Variants in PLP2 observed in about 807,000 individuals in gnomAD.
PLP2 encodes the protein proteolipid protein 2.
A neutral mutation model predicts 11.4 loss-of-function variants in PLP2; 8 were observed. The observed-to-expected ratio is 0.70, with a 90% CI of 0.41 to 1.27. The LOEUF is 1.27. PLP2 is among the 50% of genes most tolerant of loss of function. The probability of loss-of-function intolerance (pLI) is 0.01; values close to 1 mark genes in which losing one functional copy is unlikely to be tolerated. For synonymous variants in PLP2, 50 were observed against 53.2 expected, an observed-to-expected ratio of 0.94 and a Z score of 0.26; for missense variants, 127 against 123.5, an observed-to-expected ratio of 1.03 and a Z score of -0.14.
rs781890090 is a variant in PLP2, at chrX:49,172,961, C to T, written c.97-168C>T. ...AATAGTACCCAGAGCATTAGATTGTCGTGATGATTGAATTTGGAACACAGT... is the reference window on the plus strand; with the variant it reads ...AATAGTACCCAGAGCATTAGATTGTTGTGATGATTGAATTTGGAACACAGT... On this transcript the variant is annotated intron_variant, in intron 1 of 4. Coordinates refer to ENST00000376327, the MANE Select transcript of PLP2 (RefSeq NM_002668.3). Among the ~76,000 whole-genome samples, 6 of 112,415 alleles carry T rather than the reference C, an allele frequency of 5.3e-5. No homozygotes were observed. The South Asian group carries it at 2.2e-3, about 41-fold the overall frequency.
At chrX:49,174,457 G>A (rs782818987) in intron 4 of PLP2, 32 bp downstream of exon 4, 10 of 1,119,643 alleles carry the variant, frequency 8.9e-6, no homozygotes, top group African/African-American at 1.8e-5. Flanking sequence ...TTGGGGGTAA[G>A]GGGGTTGCTG....
At position 49,175,042 on chromosome X, in the gene PLP2, G is replaced by C; in HGVS notation, c.*348G>C. The C allele has an allele frequency of 2.7e-6, 1 of 371,719 alleles. No homozygotes were observed. Among genetic ancestry groups the C allele is most frequent in the East Asian group, 4.5e-5 (1 of 22,218 alleles). The allele number at this position is 371,719 out of a possible 1,213,427, so 30.6% of individuals were successfully genotyped here. A position where few individuals can be genotyped will look rare whatever the true frequency, so the allele number is the denominator to read the frequency against. On this transcript the variant is annotated 3_prime_UTR_variant, in exon 5 of 5. Transcript: ENST00000376327. ...TCCAAATAATCTCCTCGGTGTGGGT[G>C]GTGGTTCTATAGAGGGATAAATGAA...
intron 2 of PLP2, 44 bp from the exon 3 acceptor site, chrX:49,173,344 A>C (rs376249600): frequency 1.0e-4 from 120 of 1,203,099 alleles, no homozygotes; most frequent in Non-Finnish European, 1.2e-4. Flanking sequence ...TTGTCGGGGA[A>C]CTGTGGTTGC....
chrX:49,174,676 C>T lies in PLP2; in HGVS notation c.441C>T (p.Pro147=), dbSNP rs141287647. Residue 147 remains proline, a synonymous_variant, in exon 5 of 5, where the codon CCC becomes CCT. Transcript: ENST00000376327. The part of the protein sequence containing the change: ...QPRHTAAPTD[P]ADGPV ...CTCTCTTTTCCTCACCTGCAGACCCCGCAGATGGCCCGGTGTAGGCGAACT... is the reference window on the plus strand; with the variant it reads ...CTCTCTTTTCCTCACCTGCAGACCCTGCAGATGGCCCGGTGTAGGCGAACT... The T allele has an allele frequency of 3.1e-5, 37 of 1,204,970 alleles. No homozygotes were observed. In the African/African-American group the frequency reaches 3.9e-4, roughly 13 times the overall value.
At chrX:49,172,681 G>A (rs1228754950) in intron 1 of PLP2, among the ~76,000 whole-genome samples, 1 of 112,608 alleles carries the variant, frequency 8.9e-6, no homozygotes, top group African/African-American at 3.2e-5. Context: ...TGCCTCTCTG[G>A]TGTCACTCTC....
chrX:49,174,523 G>C, intron 4 of PLP2, 98 bp downstream of exon 4: 3 of 876,356 alleles, frequency 3.4e-6, no homozygotes, highest in African/African-American at 2.0e-5. Flanking sequence ...GCCAACTCTG[G>C]TCTCGTATTG....
intron 2 of PLP2, 23 bp downstream of exon 2, chrX:49,173,304 A>G: frequency 1.7e-6 from 2 of 1,209,175 alleles, no homozygotes; most frequent in Non-Finnish European, 2.2e-6. Flanking sequence ...CCACAATGGC[A>G]AGACCAGGGA....
Position 49,173,270 on chromosome X carries a change from T to C in PLP2, c.238T>C (p.Trp80Arg), listed in dbSNP as rs782640786. The change falls in exon 2 of 5, where the codon TGG becomes CGG. Residue 80 changes from tryptophan to arginine, a missense_variant. Transcript: ENST00000376327. ...GCACACCAAGATACCATTCATCAACTGGCCCTGGAGTGTGAGAAGGGGTCC... is the reference window on the plus strand; with the variant it reads ...GCACACCAAGATACCATTCATCAACCGGCCCTGGAGTGTGAGAAGGGGTCC... ...DLHTKIPFINWPWSDFFRTLI... is the reference protein window; with the variant it reads ...DLHTKIPFINRPWSDFFRTLI... 1.3e-5 allele frequency: 16 copies of C among 1,209,443 alleles called. No homozygotes were observed. The Admixed American group carries it at 2.8e-4, about 21-fold the overall frequency.
chrX:49,172,084 G>C lies in PLP2; in HGVS notation c.84G>C (p.Leu28=). ...NFSRTRKGIL[L]FAEIILCLVI... ...CGCGCACTCGAAAGGGAATCCTCCTGTTTGCTGAGATTGTGAGCGTTCTGG... is the reference window on the plus strand; with the variant it reads ...CGCGCACTCGAAAGGGAATCCTCCTCTTTGCTGAGATTGTGAGCGTTCTGG... Residue 28 remains leucine, a synonymous_variant, in exon 1 of 5, where the codon CTG becomes CTC. Transcript: ENST00000376327. 8.3e-7 allele frequency: 1 copy of C among 1,199,408 alleles called. No individual in the cohort carries two copies. Among genetic ancestry groups the C allele is most frequent in the Non-Finnish European group, 1.1e-6 (1 of 884,631 alleles).
chrX:49,172,062 G>A lies in PLP2; in HGVS notation c.62G>A (p.Arg21His), dbSNP rs202244373. 1.7e-5 allele frequency: 21 copies of A among 1,205,303 alleles called. No homozygotes were observed. In the East Asian group the frequency reaches 5.0e-4, roughly 29 times the overall value. Residue 21 changes from arginine (R) to histidine (H), a missense_variant, in exon 1 of 5, where the codon CGC (arginine) becomes CAC (histidine). Physicochemically the swap from Arg to His is conservative, Grantham distance 29. Coordinates refer to ENST00000376327, the MANE Select transcript of PLP2 (RefSeq NM_002668.3). ...TGGGCCGCCTGCACCAACTTCTCGC[G>A]CACTCGAAAGGGAATCCTCCTGTTT... The part of the protein sequence containing the change: ...GCWAACTNFS[R>H]TRKGILLFAE...
chrX:49,173,571 G>T, intron 3 of PLP2, 88 bp downstream of exon 3: 1 of 1,196,578 alleles, frequency 8.4e-7, no homozygotes, highest in African/African-American at 1.7e-5. Context: ...GGCAGAAATC[G>T]TGTGACCCAC....
chrX:49,173,298 A>G lies in PLP2; in HGVS notation c.249+17A>G, dbSNP rs2065398686. The G allele has an allele frequency of 8.3e-7, 1 of 1,207,991 alleles. No individual in the cohort carries two copies. Among genetic ancestry groups the G allele is most frequent in the African/African-American group, 1.8e-5 (1 of 56,988 alleles). ...CCCTGGAGTGTGAGAAGGGGTCCAC[A>G]ATGGCAAGACCAGGGAGGGGTCTGG... On this transcript the variant is annotated intron_variant, in intron 2 of 4. Transcript: ENST00000376327.
Position 49,173,388 on chromosome X carries a change from G to A in PLP2, c.250G>A (p.Asp84Asn), listed in dbSNP as rs1167192417. 1.7e-6 allele frequency: 2 copies of A among 1,210,884 alleles called. No individual in the cohort carries two copies. Among genetic ancestry groups the A allele is most frequent in the Non-Finnish European group, 1.1e-6 (1 of 894,988 alleles). ...KIPFINWPWS[D>N]FFRTLIAAIL... ...CTCTTCTCCTCCCTACACCTCACAG[G>A]ATTTCTTCCGAACCCTCATAGCGGC... is the stretch of plus-strand genomic sequence containing the variant. The change falls in exon 3 of 5, where the codon GAT becomes AAT. Residue 84 changes from aspartate (D) to asparagine (N), a missense_variant and splice_region_variant. Coordinates refer to ENST00000376327, the MANE Select transcript of PLP2 (RefSeq NM_002668.3).
chrX:49,174,995 C>T lies in PLP2; in HGVS notation c.*301C>T, dbSNP rs2065407299. 2.4e-6 allele frequency: 1 copy of T among 421,461 alleles called. No individual in the cohort carries two copies. The highest frequency in any genetic ancestry group is 6.5e-4 in the Middle Eastern group (1 of 1,533). 34.7% of individuals were successfully genotyped at this position (421,461 alleles called of 1,213,427 possible). A position where few individuals can be genotyped will look rare whatever the true frequency, so the allele number is the denominator to read the frequency against. On this transcript the variant is annotated 3_prime_UTR_variant, in exon 5 of 5. Coordinates refer to ENST00000376327, the MANE Select transcript of PLP2 (RefSeq NM_002668.3). The stretch of plus-strand genomic sequence containing the variant: ...AAGTGGGGAGTTAGATTTCAGAGTC[C>T]AGGCCCTAGGTTGGGACCCACTCCA...
chrX:49,173,114 A>C lies in PLP2; in HGVS notation c.97-15A>C. 2 of 1,207,997 alleles carry C rather than the reference A, an allele frequency of 1.7e-6. No individual in the cohort carries two copies. The highest frequency in any genetic ancestry group is 2.2e-6 in the Non-Finnish European group (2 of 892,852). On this transcript the variant is annotated splice_polypyrimidine_tract_variant and intron_variant, in intron 1 of 4. Coordinates refer to ENST00000376327, the MANE Select transcript of PLP2 (RefSeq NM_002668.3). ...GTTGCTGATTGAGGTCCCCTTTCCC[A>C]TGTCACCCTTCCAGATATTATGCCT...
rs782207533 is a variant in PLP2 at position 49,175,195 on chromosome X, C to T, written c.*501C>T. ...GGGGCAAGGAGGCAAAGAAGCCAGG[C>T]CTGTTTTACAACAAATATTAAATTA... On this transcript the variant is annotated 3_prime_UTR_variant, in exon 5 of 5. Coordinates refer to ENST00000376327, the MANE Select transcript of PLP2 (RefSeq NM_002668.3). 2 of 177,071 alleles carry T rather than the reference C, an allele frequency of 1.1e-5. No homozygotes were observed. Among genetic ancestry groups the T allele is most frequent in the Non-Finnish European group, 2.1e-5 (2 of 95,087 alleles). The allele number at this position is 177,071 out of a possible 1,213,427, so 14.6% of individuals were successfully genotyped here.
intron 1 of PLP2, 55 bp downstream of exon 1, chrX:49,172,151 T>A: frequency 3.8e-5 from 33 of 870,712 alleles, no homozygotes; most frequent in Non-Finnish European, 5.5e-5. Flanking sequence ...GGCTGGACCA[T>A]GCGGAACTGG....
In PLP2 at chrX:49,174,330, C is replaced by G. The variant is rs201983499; in HGVS notation, c.346-5C>G. Reference sequence around the variant, plus strand: ...AAACCCCCTCACTCCTATCCTGTCCCCCAGGTACTGGGCCTAATCGCTACG... The same window carrying G: ...AAACCCCCTCACTCCTATCCTGTCCGCCAGGTACTGGGCCTAATCGCTACG... On this transcript the variant is annotated splice_polypyrimidine_tract_variant and splice_region_variant and intron_variant, in intron 3 of 4. Transcript: ENST00000376327. 3.6e-4 allele frequency: 430 copies of G among 1,195,899 alleles called. No homozygotes were observed. The African/African-American group carries it at 5.3e-3, about 15-fold the overall frequency.
At chrX:49,173,717 G>T in intron 3 of PLP2, 1 of 621,263 alleles carries the variant, frequency 1.6e-6, no homozygotes. Context: ...CAAACAGGCG[G>T]CCCCTTTGTC....
Sources: allele counts gnomAD v4.1 joint callset (sites outside exome capture counted in the v4.1 genomes callset), GRCh38; gene constraint gnomAD v4.1.1; transcripts MANE v1.5; gene names NCBI Gene and HGNC (gene_info 2026-07-23, HGNC 2026-07-21).